Variants in ZNF423 observed in about 807,000 individuals in gnomAD.
The protein encoded by ZNF423 is Ebf-associated zinc finger protein.
In ZNF423, 12 loss-of-function variants were observed where a neutral mutation model predicts 95.8. That is an observed-to-expected ratio of 0.13 (90% CI 0.08 to 0.20). ZNF423 has a LOEUF of 0.20. Ranked by LOEUF, ZNF423 falls within the 10% of genes least tolerant of loss-of-function variation. The pLI is 1.00. For synonymous variants in ZNF423, 749 were observed against 711.9 expected (o/e 1.05, Z -0.83); for missense variants, 1,316 against 1,737.1 (o/e 0.76, Z 4.31).
chr16:49,747,051 G>A (rs866083256), intron 2 of ZNF423, among the ~76,000 whole-genome samples: 3 of 152,136 alleles, frequency 2.0e-5, no homozygotes, highest in Non-Finnish European at 4.4e-5. Flanking sequence ...GAGATCGGGG[G>A]AAAGAGTTTG....
chr16:49,658,840 C>G (rs528664550), intron 3 of ZNF423, among the ~76,000 whole-genome samples: 9 of 152,234 alleles, frequency 5.9e-5, no homozygotes, highest in Admixed American at 2.0e-4. Flanking sequence ...ATCGCTGACT[C>G]TTTCCTTGGA....
At chr16:49,833,788 G>C (rs566318993) in intron 1 of ZNF423, among the ~76,000 whole-genome samples, 1 of 151,822 alleles carries the variant, frequency 6.6e-6, no homozygotes, top group East Asian at 1.9e-4. Flanking sequence ...CAGGGATTTC[G>C]TGGGAAGGGA....
chr16:49,858,881 G>A (rs1383474337), upstream of ZNF423, among the ~76,000 whole-genome samples: 1 of 152,122 alleles, frequency 6.6e-6, no homozygotes, highest in Non-Finnish European at 1.5e-5. This position sits in a 1 kb window ranked among gnomAD's most constrained non-coding sequence, Gnocchi z 4.3. Flanking sequence ...CTGGGATCGA[G>A]GCCCGCGGAG....
chr16:49,849,846 T>G (rs576237331), intron 1 of ZNF423, among the ~76,000 whole-genome samples: 1 of 152,332 alleles, frequency 6.6e-6, no homozygotes, highest in South Asian at 2.1e-4. Context: ...AACAGCAACG[T>G]AACAAAGAAA....
At chr16:49,652,478 G>C (rs964273526) in intron 3 of ZNF423, among the ~76,000 whole-genome samples, 1 of 151,994 alleles carries the variant, frequency 6.6e-6, no homozygotes, top group African/African-American at 2.4e-5. Context: ...CCCTACAAGG[G>C]ACTCCCCAGG....
rs140555422 is a variant in ZNF423, at chr16:49,685,974, C to T, written c.301+44797G>A. On this transcript the variant is annotated intron_variant, in intron 3 of 7. Coordinates refer to ENST00000563137, the MANE Select transcript of ZNF423 (RefSeq NM_001379286.1). ...AACCTTCCGTCTGGATGGCTATCCC[C>T]ATAATTTCTATTCATTGTTTCGCCC... 7.5e-4 allele frequency among the ~76,000 whole-genome samples: 115 copies of T among 152,342 alleles called. No individual in the cohort carries two copies. The South Asian group carries it at 0.013, about 17-fold the overall frequency.
intron 2 of ZNF423, among the ~76,000 whole-genome samples, chr16:49,776,187 A>G (rs1342525061): frequency 1.3e-5 from 2 of 152,210 alleles, no homozygotes; most frequent in African/African-American, 2.4e-5. Context: ...CCCTCCTGGG[A>G]GGCCTGGCCA....
intron 7 of ZNF423, among the ~76,000 whole-genome samples, chr16:49,508,555 A>T (rs1167355584): frequency 1.3e-5 from 2 of 151,344 alleles, no homozygotes; most frequent in Non-Finnish European, 2.9e-5. Context: ...TAGAATATAG[A>T]GAACCCTCTA....
chr16:49,505,541 A>C (rs1967598398), intron 7 of ZNF423, among the ~76,000 whole-genome samples: 1 of 151,120 alleles, frequency 6.6e-6, no homozygotes, highest in Non-Finnish European at 1.5e-5. Flanking sequence ...CCCCTTGCTG[A>C]CAGACCCCCA....
intron 5 of ZNF423, among the ~76,000 whole-genome samples, chr16:49,526,941 C>G (rs1363339705): frequency 1.3e-5 from 2 of 152,214 alleles, no homozygotes; most frequent in African/African-American, 4.8e-5. Context: ...CCTTTGGGCT[C>G]CCCCAGGGAA....
chr16:49,715,699 C>T (rs750093207), intron 3 of ZNF423, among the ~76,000 whole-genome samples: 251 of 147,918 alleles, frequency 1.7e-3, no homozygotes, highest in Non-Finnish European at 2.7e-3. Context: ...GAGCAACAAT[C>T]GTGCCAGTGC....
At chr16:49,740,939 C>T (rs1049621308) in intron 2 of ZNF423, among the ~76,000 whole-genome samples, 1 of 152,204 alleles carries the variant, frequency 6.6e-6, no homozygotes, top group African/African-American at 2.4e-5. Flanking sequence ...CGCCTCGTGA[C>T]CCCCAGCCCC....
chr16:49,659,611 T>C (rs1190505009), intron 3 of ZNF423, among the ~76,000 whole-genome samples: 1 of 152,226 alleles, frequency 6.6e-6, no homozygotes, highest in Non-Finnish European at 1.5e-5. Flanking sequence ...AACACACCCC[T>C]GACACACATA....
At chr16:49,709,600 T>A (rs1451122063) in intron 3 of ZNF423, among the ~76,000 whole-genome samples, 2 of 152,126 alleles carry the variant, frequency 1.3e-5, no homozygotes, top group African/African-American at 4.8e-5. Flanking sequence ...CGTCTGAATG[T>A]TTACGTCCCC....
At chr16:49,747,559 G>A (rs1185551947) in intron 2 of ZNF423, among the ~76,000 whole-genome samples, 1 of 152,036 alleles carries the variant, frequency 6.6e-6, no homozygotes, top group African/African-American at 2.4e-5. Context: ...AGGAAGAGTA[G>A]GGCACTCTGG....
At chr16:49,508,660 C>T (rs997791426) in intron 7 of ZNF423, among the ~76,000 whole-genome samples, 2 of 152,018 alleles carry the variant, frequency 1.3e-5, no homozygotes, top group Non-Finnish European at 2.9e-5. Flanking sequence ...TCTCCTTGTG[C>T]GTCCCTTCTC....
chr16:49,840,422 C>T (rs11076503), intron 1 of ZNF423, among the ~76,000 whole-genome samples: 108,091 of 152,042 alleles, frequency 0.71, 38,566 homozygotes, highest in South Asian at 0.79. Flanking sequence ...CACAACTTTA[C>T]ACATGGCCAG....
At chr16:49,701,859 G>GA (rs1169185144) in intron 3 of ZNF423, among the ~76,000 whole-genome samples, 4 of 151,922 alleles carry the variant, frequency 2.6e-5, no homozygotes, top group Non-Finnish European at 2.9e-5. Flanking sequence ...CTTGCATGAA[G>GA]AAAAAAAATC....
chr16:49,566,882 G>C (rs1023246445), intron 5 of ZNF423, among the ~76,000 whole-genome samples: 1 of 152,038 alleles, frequency 6.6e-6, no homozygotes, highest in Non-Finnish European at 1.5e-5. Context: ...AGACAGGGTA[G>C]CCTGAGCAGA....
Sources: gnomAD v4.1 joint callset for allele counts (sites outside exome capture counted in the v4.1 genomes callset) on GRCh38, gnomAD v4.1.1 for gene constraint, Gnocchi (gnomAD v3.1) non-coding constraint, MANE v1.5 for transcripts, NCBI Gene and HGNC (gene_info 2026-07-23, HGNC 2026-07-21) for gene names.